Variants in RALYL observed in about 807,000 individuals in gnomAD.
RALYL encodes RNA-binding Raly-like protein.
RALYL carries 29 observed loss-of-function variants against 35.1 expected under a neutral mutation model. That is an observed-to-expected ratio of 0.83 (90% CI 0.61 to 1.13). RALYL has a LOEUF of 1.13. Among genes scored for constraint, RALYL ranks in the 50% most tolerant of loss-of-function variants. The probability of loss-of-function intolerance (pLI) is 0.00; values close to 1 mark genes in which losing one functional copy is unlikely to be tolerated. For synonymous variants in RALYL, 120 were observed against 127.6 expected (o/e 0.94, Z 0.40); for missense variants, 359 against 360.4 (o/e 1.00, Z 0.03).
At chr8:84,365,020 C>T (rs1052879515) in intron 1 of RALYL, among the ~76,000 whole-genome samples, 5 of 151,996 alleles carry the variant, frequency 3.3e-5, no homozygotes, top group African/African-American at 4.8e-5. Context: ...GAATGATAGA[C>T]GCTATTAAAT....
intron 1 of RALYL, among the ~76,000 whole-genome samples, chr8:84,321,698 C>G (rs1019047344): frequency 1.3e-5 from 2 of 152,022 alleles, no homozygotes; most frequent in Non-Finnish European, 2.9e-5. Flanking sequence ...CACAGAGCCA[C>G]GAAAAGACTG....
intron 2 of RALYL, among the ~76,000 whole-genome samples, chr8:84,693,962 A>G (rs1838613669): frequency 6.6e-6 from 1 of 151,892 alleles, no homozygotes; most frequent in Non-Finnish European, 1.5e-5. Flanking sequence ...TATAAAAATA[A>G]TGTACCTCTA....
intron 1 of RALYL, among the ~76,000 whole-genome samples, chr8:84,268,912 C>A (rs761039322): frequency 6.6e-6 from 1 of 152,018 alleles, no homozygotes; most frequent in African/African-American, 2.4e-5. Flanking sequence ...GAATGTTATG[C>A]GATAATCTAC....
intron 2 of RALYL, among the ~76,000 whole-genome samples, chr8:84,544,045 A>G (rs2060195389): frequency 6.6e-6 from 1 of 152,078 alleles, no homozygotes; most frequent in African/African-American, 2.4e-5. Context: ...AAAGAGTTTA[A>G]TAATTTTTTA....
chr8:84,207,298 A>G (rs1413672058), intron 1 of RALYL, among the ~76,000 whole-genome samples: 1 of 151,982 alleles, frequency 6.6e-6, no homozygotes, highest in Non-Finnish European at 1.5e-5. Context: ...AAAATGTTAT[A>G]TATATAACAT....
chr8:84,245,484 G>C (rs1261085678), intron 1 of RALYL, among the ~76,000 whole-genome samples: 1 of 152,120 alleles, frequency 6.6e-6, no homozygotes, highest in Non-Finnish European at 1.5e-5. Flanking sequence ...GATAAATTCT[G>C]CTTGGGGGCC....
chr8:84,545,283 G>A (rs1338285067), intron 2 of RALYL, among the ~76,000 whole-genome samples: 1 of 151,902 alleles, frequency 6.6e-6, no homozygotes, highest in Non-Finnish European at 1.5e-5. Flanking sequence ...TGTTCCATTG[G>A]TCTGTCTGAA....
intron 1 of RALYL, among the ~76,000 whole-genome samples, chr8:84,397,062 A>G (rs2042411302): frequency 6.6e-6 from 1 of 152,138 alleles, no homozygotes; most frequent in Non-Finnish European, 1.5e-5. Context: ...ATGTAATTAT[A>G]CAGTCCTAGT....
chr8:84,885,839 G>A (rs1170826730), intron 7 of RALYL, among the ~76,000 whole-genome samples: 1 of 152,124 alleles, frequency 6.6e-6, no homozygotes. Flanking sequence ...ATTCAGTGAA[G>A]AGCATACCGT....
chr8:84,849,780 C>A (rs1318625360), intron 4 of RALYL, among the ~76,000 whole-genome samples, 200 bp from the exon 5 acceptor site: 2 of 152,020 alleles, frequency 1.3e-5, no homozygotes. Flanking sequence ...TCAGTCCCTA[C>A]ATTGTCAAAC....
intron 1 of RALYL, among the ~76,000 whole-genome samples, chr8:84,316,465 A>C (rs1414361908): frequency 6.6e-6 from 1 of 152,140 alleles, no homozygotes; most frequent in Non-Finnish European, 1.5e-5. Context: ...GATGACATAA[A>C]AAATTACGCA....
intron 2 of RALYL, among the ~76,000 whole-genome samples, chr8:84,752,287 G>C (rs904574292): frequency 1.3e-5 from 2 of 152,162 alleles, no homozygotes; most frequent in African/African-American, 2.4e-5. Flanking sequence ...AAAATTCTAA[G>C]CCACAAAGCA....
At chr8:84,766,512 T>G (rs1278094445) in intron 2 of RALYL, among the ~76,000 whole-genome samples, 2 of 147,810 alleles carry the variant, frequency 1.4e-5, no homozygotes, top group East Asian at 4.0e-4. Flanking sequence ...GCTAACACGG[T>G]GAAACCCCAT....
rs1410383569 is a variant in RALYL, at chr8:84,848,425, A to ATG, written c.366-1543_366-1542dup. Among the ~76,000 whole-genome samples, 10 of 136,634 alleles carry ATG rather than the reference A, an allele frequency of 7.3e-5. No homozygotes were observed. The East Asian group carries it at 8.2e-4, about 11-fold the overall frequency. The allele number at this position is 136,634 out of a possible 152,430, so 89.6% of individuals were successfully genotyped here. A position where few individuals can be genotyped will look rare whatever the true frequency, so the allele number is the denominator to read the frequency against. ...TATATATATGTGTGTGTATATATAT[A>ATG]TGTGTGTGTGTGTATATATATATAT... On this transcript the variant is annotated intron_variant, in intron 4 of 8. Coordinates refer to ENST00000521268, the MANE Select transcript of RALYL (RefSeq NM_173848.7).
At chr8:84,768,090 C>T (rs183517859) in intron 2 of RALYL, among the ~76,000 whole-genome samples, 38 of 152,246 alleles carry the variant, frequency 2.5e-4, no homozygotes, top group East Asian at 7.7e-4. Context: ...CTTATGAGAG[C>T]GTAGAAAATT....
chr8:84,350,941 C>G (rs1193354059), intron 1 of RALYL, among the ~76,000 whole-genome samples: 1 of 149,922 alleles, frequency 6.7e-6, no homozygotes, highest in East Asian at 1.9e-4. Context: ...CTAAGGATCT[C>G]TGTTGGGGAG....
chr8:84,477,769 T>C (rs1252835142), intron 1 of RALYL, among the ~76,000 whole-genome samples: 1 of 151,686 alleles, frequency 6.6e-6, no homozygotes, highest in Non-Finnish European at 1.5e-5. Flanking sequence ...AGAGCAAAGG[T>C]AATAACATTT....
chr8:84,184,744 C>A, intron 1 of RALYL: 1 of 400,576 alleles, frequency 2.5e-6, no homozygotes, highest in East Asian at 3.9e-5. Context: ...GGGCACTAGG[C>A]GGCCGGCGGG....
At chr8:84,856,345 T>C (rs1441596039) in intron 5 of RALYL, among the ~76,000 whole-genome samples, 1 of 152,260 alleles carries the variant, frequency 6.6e-6, no homozygotes, top group Admixed American at 6.5e-5. Context: ...CAACAACATT[T>C]GAATTTATTA....
Sources: allele counts gnomAD v4.1 joint callset (sites outside exome capture counted in the v4.1 genomes callset), GRCh38; gene constraint gnomAD v4.1.1; transcripts MANE v1.5; gene names NCBI Gene and HGNC (gene_info 2026-07-23, HGNC 2026-07-21).